The following MCPH1 variants were observed in gnomAD, a reference collection of about 807,000 sequenced individuals.
MCPH1 encodes microcephalin.
A neutral mutation model predicts 84.5 loss-of-function variants in MCPH1; 104 were observed. The observed-to-expected ratio is 1.23, with a 90% CI of 1.05 to 1.45. The LOEUF is 1.45. MCPH1 is among the 40% of genes most tolerant of loss of function. MCPH1 has a pLI of 0.00. For synonymous variants in MCPH1, 514 were observed against 366.8 expected (o/e 1.40, Z -4.58); for missense variants, 1,498 against 1,005.7 (o/e 1.49, Z -6.62).
At chr8:6,564,548 G>A (rs76053320) in intron 12 of MCPH1, among the ~76,000 whole-genome samples, 8,114 of 150,058 alleles carry the variant, frequency 0.054, 267 homozygotes, top group East Asian at 0.12. Context: ...AGCAGCCCAA[G>A]TGTACATAGG....
chr8:6,467,743 G>C (rs1418251959), intron 9 of MCPH1, among the ~76,000 whole-genome samples: 1 of 152,162 alleles, frequency 6.6e-6, no homozygotes, highest in African/African-American at 2.4e-5. Context: ...ACTCCAGGCA[G>C]GTGCCACCAT....
rs539922355 is a variant in MCPH1, at chr8:6,548,208, G to T, written c.2214+48279G>T. On this transcript the variant is annotated intron_variant, in intron 12 of 13. Coordinates refer to ENST00000344683, the MANE Select transcript of MCPH1 (RefSeq NM_024596.5). ...AGGCGGCACGCTTTGACTTTAGAAG[G>T]CCAAAGTTAGAACCTACGTGAAGGC... Among the ~76,000 whole-genome samples the T allele has an allele frequency of 4.6e-5, 7 of 152,198 alleles. No individual in the cohort carries two copies. The East Asian group carries it at 9.7e-4, about 21-fold the overall frequency.
Position 6,464,837 on chromosome 8 carries a change from A to C in MCPH1, c.1935+9585A>C, listed in dbSNP as rs575360799. ...ACATGGGAAAACCCTGTGTCTACTA[A>C]AAATACAAAAAATTACCTGGGTGTG... On this transcript the variant is annotated intron_variant, in intron 9 of 13. Transcript: ENST00000344683. Among the ~76,000 whole-genome samples, 6 of 152,288 alleles carry C rather than the reference A, an allele frequency of 3.9e-5. No homozygotes were observed. In the South Asian group the frequency reaches 6.2e-4, roughly 16 times the overall value.
chr8:6,595,357 G>A (rs761544986), intron 12 of MCPH1, among the ~76,000 whole-genome samples: 14 of 152,172 alleles, frequency 9.2e-5, no homozygotes, highest in Non-Finnish European at 1.8e-4. Context: ...GGTCAGGAGT[G>A]TGGACTCGAG....
At chr8:6,410,865 G>A (rs779622060) in intron 2 of MCPH1, among the ~76,000 whole-genome samples, 7 of 152,064 alleles carry the variant, frequency 4.6e-5, no homozygotes, top group Non-Finnish European at 1.0e-4. Flanking sequence ...CAAGGCAGGC[G>A]GATCACCTGA....
chr8:6,455,421 G>T (rs1458553825), intron 9 of MCPH1, among the ~76,000 whole-genome samples, 169 bp downstream of exon 9: 1 of 152,194 alleles, frequency 6.6e-6, no homozygotes, highest in Non-Finnish European at 1.5e-5. Context: ...AGCGTTGTTT[G>T]CATTCCAGAC....
chr8:6,418,720 C>T (rs1324642367), intron 3 of MCPH1, among the ~76,000 whole-genome samples: 1 of 151,798 alleles, frequency 6.6e-6, no homozygotes, highest in Non-Finnish European at 1.5e-5. Flanking sequence ...TAGCTGGGAT[C>T]ACAGGCACGT....
chr8:6,408,780 C>A (rs1416327360), intron 1 of MCPH1, among the ~76,000 whole-genome samples: 1 of 152,148 alleles, frequency 6.6e-6, no homozygotes, highest in Non-Finnish European at 1.5e-5. Context: ...CCAGGCTGGT[C>A]TCAAACTTCT....
intron 3 of MCPH1, among the ~76,000 whole-genome samples, chr8:6,419,704 G>C (rs1176957242): frequency 1.3e-5 from 2 of 151,874 alleles, no homozygotes; most frequent in Admixed American, 6.6e-5. Context: ...ATAGAGATGG[G>C]ATCTTACTAT....
At chr8:6,445,803 A>G (rs1033046877) in intron 8 of MCPH1, 1 of 1,263,200 alleles carries the variant, frequency 7.9e-7, no homozygotes, top group Non-Finnish European at 9.9e-7. Flanking sequence ...TTATAGGTCA[A>G]AAGGATAAGT....
At chr8:6,575,083 G>A (rs535955088) in intron 12 of MCPH1, among the ~76,000 whole-genome samples, 1 of 152,164 alleles carries the variant, frequency 6.6e-6, no homozygotes, top group Non-Finnish European at 1.5e-5. Context: ...AATGCATGCA[G>A]CTTGCACACA....
chr8:6,527,871 A>T (rs1324075174), intron 12 of MCPH1, among the ~76,000 whole-genome samples: 2 of 148,526 alleles, frequency 1.3e-5, no homozygotes, highest in African/African-American at 4.9e-5. Context: ...AGTGTGTTAA[A>T]CCTTTTTACT....
intron 12 of MCPH1, among the ~76,000 whole-genome samples, chr8:6,604,614 C>T (rs1246702320): frequency 6.6e-6 from 1 of 152,240 alleles, no homozygotes; most frequent in Non-Finnish European, 1.5e-5. Context: ...GAGTGATTCT[C>T]CTGCCTCAGC....
intron 7 of MCPH1, among the ~76,000 whole-genome samples, chr8:6,444,167 T>G (rs945184020): frequency 6.6e-6 from 1 of 152,086 alleles, no homozygotes; most frequent in Non-Finnish European, 1.5e-5. Context: ...ACACCTCTTC[T>G]CTATCCCCAC....
intron 12 of MCPH1, among the ~76,000 whole-genome samples, chr8:6,565,128 C>T (rs1586652412): frequency 6.6e-6 from 1 of 152,198 alleles, no homozygotes; most frequent in Admixed American, 6.5e-5. Context: ...TCTGTGTGAC[C>T]TCCAGCAAAT....
intron 8 of MCPH1, among the ~76,000 whole-genome samples, chr8:6,450,343 A>G (rs1424693096): frequency 6.6e-6 from 1 of 151,992 alleles, no homozygotes; most frequent in Non-Finnish European, 1.5e-5. Flanking sequence ...TGCAGTGTCC[A>G]TACTTTATCT....
At chr8:6,471,583 A>G (rs983256641) in intron 9 of MCPH1, among the ~76,000 whole-genome samples, 1 of 152,202 alleles carries the variant, frequency 6.6e-6, no homozygotes, top group Non-Finnish European at 1.5e-5. Flanking sequence ...AATAGCAACA[A>G]TACTGTAAAC....
chr8:6,513,945 G>T, intron 12 of MCPH1: 1 of 1,143,020 alleles, frequency 8.7e-7, no homozygotes, highest in Non-Finnish European at 1.2e-6. Context: ...CTATCAAATA[G>T]CAGAAATTCC....
At chr8:6,419,628 T>A (rs149908321) in intron 3 of MCPH1, among the ~76,000 whole-genome samples, 2 of 151,440 alleles carry the variant, frequency 1.3e-5, no homozygotes, top group Non-Finnish European at 2.9e-5. Flanking sequence ...GGTCTTGATC[T>A]CCTGACCTTG....
Sources: allele counts gnomAD v4.1 joint callset (sites outside exome capture counted in the v4.1 genomes callset), GRCh38; gene constraint gnomAD v4.1.1; transcripts MANE v1.5; gene names NCBI Gene and HGNC (gene_info 2026-07-23, HGNC 2026-07-21).